LYST: variants seen among roughly 807,000 people sequenced by gnomAD.
LYST encodes the protein lysosomal-trafficking regulator.
Under a neutral mutation model 413.6 loss-of-function variants are expected in LYST, and 192 were observed. The ratio of observed to expected loss-of-function variants is 0.46; its 90% confidence interval spans 0.41 to 0.52. LYST has a LOEUF of 0.52. Ranked by LOEUF, LYST falls within the 20% of genes least tolerant of loss-of-function variation. LYST has a pLI of 0.00. For synonymous variants in LYST, 1,525 were observed against 1,567.3 expected (o/e 0.97, Z 0.64); for missense variants, 3,815 against 4,499.9 (o/e 0.85, Z 4.35).
intron 1 of LYST, among the ~76,000 whole-genome samples, chr1:235,861,891 T>A (rs1200537493): frequency 6.6e-6 from 1 of 152,236 alleles, no homozygotes; most frequent in African/African-American, 2.4e-5. Context: ...TAACATGTGA[T>A]GGCCCATTTA....
chr1:235,704,823 T>C (rs1298150250), intron 44 of LYST, among the ~76,000 whole-genome samples: 3 of 152,186 alleles, frequency 2.0e-5, no homozygotes, highest in South Asian at 2.1e-4. Context: ...GAAAGGCCAA[T>C]TGCAATGGCT....
chr1:235,808,503 T>C lies in LYST; in HGVS notation c.2315A>G (p.Asp772Gly). 1.2e-6 allele frequency: 2 copies of C among 1,613,670 alleles called. No individual in the cohort carries two copies. Among genetic ancestry groups the C allele is most frequent in the East Asian group, 2.2e-5 (1 of 44,862 alleles). ...CSHHNQCLPQ[D>G]VLQIYVKTLP... is the part of the protein sequence containing the mutation. Reference sequence around the variant, plus strand: ...AGTTTTTACATAAATCTGAAGCACGTCCTGAGGCAAGCACTGGTTATGATG... The same window carrying C: ...AGTTTTTACATAAATCTGAAGCACGCCCTGAGGCAAGCACTGGTTATGATG... The change falls in exon 5 of 53, where the codon GAC (aspartate) becomes GGC (glycine). Residue 772 changes from aspartate (D) to glycine (G), a missense_variant. Transcript: ENST00000389793.
chr1:235,723,997 A>AAT (rs769106789), intron 39 of LYST, 31 bp downstream of exon 39: 25 of 1,589,190 alleles, frequency 1.6e-5, no homozygotes, highest in Non-Finnish European at 1.2e-5. Flanking sequence ...GCACTTAAAC[A>AAT]ATATATATCA....
rs757052620 is a variant in LYST, at chr1:235,809,669, C to T, written c.1149G>A (p.Gln383=). 1.9e-6 allele frequency: 3 copies of T among 1,613,892 alleles called. No individual in the cohort carries two copies. The highest frequency in any genetic ancestry group is 3.3e-5 in the Admixed American group (2 of 59,952). ...AAAACACAAAATCTTCCTGAACCTC[C>T]TGCAGTGTTTTCTTTTGTCTTGGTG... is the stretch of plus-strand genomic sequence containing the variant. The part of the protein sequence containing the change: ...PFAPRQKKTL[Q]EVQEDFVFSK... The change falls in exon 5 of 53, where the codon CAG becomes CAA. Residue 383 remains glutamine (Q), a synonymous_variant. Coordinates refer to ENST00000389793, the MANE Select transcript of LYST (RefSeq NM_000081.4). This position sits in a 1 kb window ranked among gnomAD's most constrained non-coding sequence, Gnocchi z 4.0.
At chr1:235,841,188 C>G (rs923291904) in intron 1 of LYST, among the ~76,000 whole-genome samples, 1 of 152,156 alleles carries the variant, frequency 6.6e-6, no homozygotes, top group African/African-American at 2.4e-5. Context: ...ATCCTTAACT[C>G]CATCTCATGG....
chr1:235,755,601 T>G lies in LYST; in HGVS notation c.7106A>C (p.Lys2369Thr), dbSNP rs1259385657. 6.2e-7 allele frequency: 1 copy of G among 1,613,680 alleles called. No individual in the cohort carries two copies. The highest frequency in any genetic ancestry group is 8.5e-7 in the Non-Finnish European group (1 of 1,179,654). Residue 2369 changes from lysine to threonine, a missense_variant, in exon 25 of 53, where the codon AAA becomes ACA. By Grantham distance (78) the Lys-to-Thr change is moderately conservative. Around this residue, in one of 4 missense-constraint regions of LYST, gnomAD observed 771 missense variants for 837.1 expected, o/e 0.92. Coordinates refer to ENST00000389793, the MANE Select transcript of LYST (RefSeq NM_000081.4). ...FARASKEQKDKFLKNRGFSLL... is the reference protein window; with the variant it reads ...FARASKEQKDTFLKNRGFSLL... ...GGAAAATCCACGATTCTTCAGAAAT[T>G]TATCTTTTTGTTCCTTAGATGCTCT...
chr1:235,682,164 A>G (rs911232674), intron 48 of LYST, among the ~76,000 whole-genome samples: 1 of 152,144 alleles, frequency 6.6e-6, no homozygotes, highest in Non-Finnish European at 1.5e-5. Flanking sequence ...TTTAAAAAGT[A>G]GTAGGGCATT....
chr1:235,711,637 T>C (rs543822497), intron 43 of LYST, among the ~76,000 whole-genome samples: 1 of 152,338 alleles, frequency 6.6e-6, no homozygotes, highest in African/African-American at 2.4e-5. Context: ...TATTAGATAA[T>C]TCTGGGCAGA....
chr1:235,773,748 C>T, intron 19 of LYST, 94 bp downstream of exon 19: 1 of 975,978 alleles, frequency 1.0e-6, no homozygotes, highest in Non-Finnish European at 1.6e-6. Context: ...CTTAATGCCA[C>T]TGAACTGAAA....
At chr1:235,756,619 T>C (rs1163488789) in intron 24 of LYST, among the ~76,000 whole-genome samples, 3 of 152,150 alleles carry the variant, frequency 2.0e-5, no homozygotes, top group African/African-American at 4.8e-5. Flanking sequence ...TAATATTGGG[T>C]TGTTTTCTAA....
At chr1:235,750,718 T>C (rs372363225) in intron 28 of LYST, among the ~76,000 whole-genome samples, 1 of 152,324 alleles carries the variant, frequency 6.6e-6, no homozygotes, top group East Asian at 1.9e-4. Flanking sequence ...TTATTTAATA[T>C]CTGAATGCAC....
At chr1:235,708,994 T>G in intron 44 of LYST, 97 bp downstream of exon 44, 1 of 1,059,636 alleles carries the variant, frequency 9.4e-7, no homozygotes, top group Non-Finnish European at 1.5e-6. Context: ...TTCTCTTTGA[T>G]AACTTGAGTG....
chr1:235,685,434 A>T (rs899616659), intron 48 of LYST, among the ~76,000 whole-genome samples: 1 of 152,190 alleles, frequency 6.6e-6, no homozygotes, highest in Non-Finnish European at 1.5e-5. Context: ...ACTCCTGTTT[A>T]TACCATTTTA....
At chr1:235,737,916 A>ATGGAGATT in intron 31 of LYST, 24 of 1,163,404 alleles carry the variant, frequency 2.1e-5, no homozygotes, top group East Asian at 1.2e-4. Context: ...GCTGCCGACG[A>ATGGAGATT]GTCTGGATCT....
At chr1:235,745,602 T>C (rs1213741506) in intron 29 of LYST, among the ~76,000 whole-genome samples, 2 of 152,152 alleles carry the variant, frequency 1.3e-5, no homozygotes, top group Admixed American at 1.3e-4. Context: ...ACTTATATTC[T>C]TACAAAACCT....
rs773082646 is a variant in LYST at position 235,702,710 on chromosome 1, G to A, written c.10374+37C>T. 11 of 1,543,770 alleles carry A rather than the reference G, an allele frequency of 7.1e-6. No homozygotes were observed. In the Admixed American group the frequency reaches 1.3e-4, roughly 19 times the overall value. On this transcript the variant is annotated intron_variant, in intron 45 of 52. Coordinates refer to ENST00000389793, the MANE Select transcript of LYST (RefSeq NM_000081.4). ...GCCTGGCATCACAAGAGTCTAATCA[G>A]GTTTTGCTGCACTCGATTGAAATCC...
At chr1:235,710,631 A>T (rs182639651) in intron 43 of LYST, among the ~76,000 whole-genome samples, 10 of 152,358 alleles carry the variant, frequency 6.6e-5, no homozygotes, top group Non-Finnish European at 4.4e-5. Flanking sequence ...CCTGTCTTGC[A>T]TGCCCTTCCA....
chr1:235,847,919 G>A (rs983544732), intron 1 of LYST, among the ~76,000 whole-genome samples: 1 of 151,966 alleles, frequency 6.6e-6, no homozygotes, highest in African/African-American at 2.4e-5. Flanking sequence ...TAAGAAATGA[G>A]ACAGCAACAC....
intron 22 of LYST, among the ~76,000 whole-genome samples, chr1:235,761,614 G>C (rs549349360): frequency 2.6e-5 from 4 of 152,106 alleles, no homozygotes; most frequent in Admixed American, 1.3e-4. Flanking sequence ...AGACTGAGGC[G>C]AGGTTAGCAT....
Sources: gnomAD v4.1 joint callset for allele counts (sites outside exome capture counted in the v4.1 genomes callset) on GRCh38, gnomAD v4.1.1 for gene constraint, gnomAD v4.1.1 regional missense constraint, Gnocchi (gnomAD v3.1) non-coding constraint, MANE v1.5 for transcripts, NCBI Gene and HGNC (gene_info 2026-07-23, HGNC 2026-07-21) for gene names.